The following AUTS2 variants were observed in gnomAD, a reference collection of about 807,000 sequenced individuals.
The protein encoded by AUTS2 is autism susceptibility gene 2 protein.
AUTS2 carries 17 observed loss-of-function variants against 112.4 expected under a neutral mutation model. The ratio of observed to expected loss-of-function variants is 0.15; its 90% CI spans 0.10 to 0.23. AUTS2 has a LOEUF of 0.23. Among genes scored for constraint, AUTS2 ranks in the 10% least tolerant of loss-of-function variants. The pLI, the probability that AUTS2 is intolerant of heterozygous loss-of-function variation, is 1.00. For synonymous variants in AUTS2, 751 were observed against 702.7 expected, an observed-to-expected ratio of 1.07 and a Z score of -1.09; for missense variants, 1,510 against 1,701.6, an observed-to-expected ratio of 0.89 and a Z score of 1.98.
chr7:69,931,514 T>G (rs1446375234), intron 2 of AUTS2, among the ~76,000 whole-genome samples: 1 of 152,320 alleles, frequency 6.6e-6, no homozygotes, highest in African/African-American at 2.4e-5. Context: ...CTCCTTTTTC[T>G]GTTCTGCTGT....
chr7:70,647,741 C>T (rs1206890771), intron 5 of AUTS2, among the ~76,000 whole-genome samples: 4 of 152,176 alleles, frequency 2.6e-5, no homozygotes, highest in African/African-American at 9.7e-5. Flanking sequence ...CTCTCAGCCT[C>T]CCTATTCCCT....
chr7:69,748,362 A>G (rs1787599355), intron 1 of AUTS2, among the ~76,000 whole-genome samples: 1 of 152,178 alleles, frequency 6.6e-6, no homozygotes, highest in African/African-American at 2.4e-5. Flanking sequence ...AAAGTATTGC[A>G]TAAAAGTCAA....
intron 15 of AUTS2, chr7:70,784,146 G>C (rs1192791692): frequency 6.6e-6 from 1 of 152,192 alleles, no homozygotes; most frequent in African/African-American, 2.4e-5. Context: ...CAAAACATAA[G>C]AATCAACCAG....
intron 5 of AUTS2, among the ~76,000 whole-genome samples, chr7:70,454,101 T>TA (rs1796637254): frequency 6.6e-6 from 1 of 152,100 alleles, no homozygotes; most frequent in South Asian, 2.1e-4. Context: ...GCGGAGGACA[T>TA]AGTTTGTGGG....
At chr7:70,003,131 G>T (rs1340757935) in intron 2 of AUTS2, among the ~76,000 whole-genome samples, 3 of 139,172 alleles carry the variant, frequency 2.2e-5, no homozygotes, top group African/African-American at 7.9e-5. Context: ...TCATATATAT[G>T]AATATATTAT....
At chr7:69,840,483 CTG>C (rs896338606) in intron 1 of AUTS2, among the ~76,000 whole-genome samples, 1 of 152,204 alleles carries the variant, frequency 6.6e-6, no homozygotes, top group Non-Finnish European at 1.5e-5. Context: ...AGGCAAATAA[CTG>C]TGGTTTTGTT....
chr7:69,689,708 C>G (rs542394266), intron 1 of AUTS2, among the ~76,000 whole-genome samples: 1 of 150,200 alleles, frequency 6.7e-6, no homozygotes, highest in African/African-American at 2.5e-5. Flanking sequence ...GACAGAGTCT[C>G]TCTCTGTCGG....
chr7:69,947,225 T>C (rs1249080044), intron 2 of AUTS2, among the ~76,000 whole-genome samples: 2 of 152,138 alleles, frequency 1.3e-5, no homozygotes, highest in Non-Finnish European at 2.9e-5. Context: ...GGGGTAGTTA[T>C]GTTGTGTGCA....
chr7:70,317,349 TC>T (rs1433400411), intron 4 of AUTS2, among the ~76,000 whole-genome samples: 1 of 152,292 alleles, frequency 6.6e-6, no homozygotes, highest in African/African-American at 2.4e-5. Context: ...AGATGTTTGT[TC>T]AAATAGAGCA....
intron 1 of AUTS2, among the ~76,000 whole-genome samples, chr7:69,617,380 T>A (rs1203647852): frequency 6.6e-6 from 1 of 152,084 alleles, no homozygotes; most frequent in Non-Finnish European, 1.5e-5. Flanking sequence ...GAGCAGAAAC[T>A]TGAAGGAAGC....
At chr7:70,643,868 A>G (rs985950076) in intron 5 of AUTS2, among the ~76,000 whole-genome samples, 3 of 151,962 alleles carry the variant, frequency 2.0e-5, no homozygotes, top group Admixed American at 6.6e-5. Context: ...TCCTTTGCTG[A>G]GTGCTATGTA....
Position 70,610,552 on chromosome 7 carries a change from C to A in AUTS2, c.691-88017C>A, listed in dbSNP as rs144324433. On this transcript the variant is annotated intron_variant, in intron 5 of 18. Coordinates refer to ENST00000342771, the MANE Select transcript of AUTS2 (RefSeq NM_015570.4). Reference sequence around the variant, plus strand: ...CTGGGCTCAGGCTTTCCCCCCACTTCAGCCACCCAAGTAGCTGGGATGACC... The same window carrying A: ...CTGGGCTCAGGCTTTCCCCCCACTTAAGCCACCCAAGTAGCTGGGATGACC... Among the ~76,000 whole-genome samples, 365 of 150,250 alleles carry A rather than the reference C, an allele frequency of 2.4e-3. 1 individual carries two copies. The highest frequency in any genetic ancestry group is 8.3e-3 in the African/African-American group (338 of 40,952).
chr7:69,885,159 G>A (rs1446750026), intron 1 of AUTS2, among the ~76,000 whole-genome samples: 1 of 152,178 alleles, frequency 6.6e-6, no homozygotes, highest in Non-Finnish European at 1.5e-5. Flanking sequence ...TTTGCAATAT[G>A]TGTTGAACAG....
intron 4 of AUTS2, among the ~76,000 whole-genome samples, chr7:70,301,967 G>T (rs73434812): frequency 6.6e-6 from 1 of 151,416 alleles, no homozygotes; most frequent in Non-Finnish European, 1.5e-5. Context: ...TTGTAGAGGC[G>T]CATTCTCGCC....
chr7:70,719,652 C>T (rs1191649839), intron 6 of AUTS2, among the ~76,000 whole-genome samples: 1 of 152,048 alleles, frequency 6.6e-6, no homozygotes, highest in African/African-American at 2.4e-5. Context: ...TTAGTAGAGA[C>T]CGGGTTTCAC....
intron 5 of AUTS2, among the ~76,000 whole-genome samples, chr7:70,674,745 G>T (rs1807823698): frequency 1.3e-5 from 2 of 152,254 alleles, no homozygotes; most frequent in African/African-American, 4.8e-5. Context: ...TTAAAAGCAG[G>T]CTCAAGAAAG....
intron 4 of AUTS2, among the ~76,000 whole-genome samples, chr7:70,338,839 T>TATTTATTC (rs1220250642): frequency 2.1e-5 from 3 of 142,932 alleles, no homozygotes; most frequent in Non-Finnish European, 4.6e-5. Flanking sequence ...ATCTCTTATT[T>TATTTATTC]ATTTATTTAT....
intron 1 of AUTS2, among the ~76,000 whole-genome samples, chr7:69,683,080 G>C (rs564683977): frequency 7.9e-4 from 121 of 152,340 alleles, no homozygotes; most frequent in African/African-American, 2.9e-3. Flanking sequence ...CCCATTGCTG[G>C]GGGGAATGCC....
intron 5 of AUTS2, among the ~76,000 whole-genome samples, chr7:70,563,707 C>A (rs74601038): frequency 5.9e-5 from 9 of 152,108 alleles, no homozygotes; most frequent in Non-Finnish European, 1.0e-4. Context: ...CAGAGAAAAG[C>A]GGTGGAAATT....
Sources: gnomAD v4.1 joint callset for allele counts (sites outside exome capture counted in the v4.1 genomes callset) on GRCh38, gnomAD v4.1.1 for gene constraint, MANE v1.5 for transcripts, NCBI Gene and HGNC (gene_info 2026-07-23, HGNC 2026-07-21) for gene names.